Variants in DRC7 observed in about 807,000 individuals in gnomAD.
The protein encoded by DRC7 is coiled-coil domain containing 135.
DRC7 carries 80 observed loss-of-function variants against 104.4 expected under a neutral mutation model. That is an observed-to-expected ratio of 0.77 (90% CI 0.64 to 0.92). The LOEUF (loss-of-function observed/expected upper bound fraction) is 0.92. Among genes scored for constraint, DRC7 ranks in the 40% least tolerant of loss-of-function variants. The pLI is 0.00. For synonymous variants in DRC7, 405 were observed against 447.3 expected (o/e 0.91, Z 1.19); for missense variants, 1,034 against 1,141.1 (o/e 0.91, Z 1.35).
rs1222351168 is a variant in DRC7 at position 57,727,239 on chromosome 16, G to A, written c.2086-60G>A. 5.1e-6 allele frequency: 7 copies of A among 1,377,796 alleles called. No individual in the cohort carries two copies. In the African/African-American group the frequency reaches 7.1e-5, roughly 14 times the overall value. 85.3% of individuals were successfully genotyped at this position (1,377,796 alleles called of 1,614,324 possible). A position where few individuals can be genotyped will look rare whatever the true frequency, so the allele number is the denominator to read the frequency against. Reference sequence around the variant, plus strand: ...GCCCTCCTTGGCTTCCCAAAGTGCTGGGGTTACAGGAGTGGAGGAGGGGTG... The same window carrying A: ...GCCCTCCTTGGCTTCCCAAAGTGCTAGGGTTACAGGAGTGGAGGAGGGGTG... On this transcript the variant is annotated intron_variant, in intron 15 of 18. Transcript: ENST00000360716.
chr16:57,721,120 G>C (rs1191271026), intron 9 of DRC7, among the ~76,000 whole-genome samples: 1 of 152,180 alleles, frequency 6.6e-6, no homozygotes, highest in East Asian at 1.9e-4. Flanking sequence ...GGAGGCTGAG[G>C]CAGGAGAATC....
intron 8 of DRC7, among the ~76,000 whole-genome samples, chr16:57,717,613 C>T (rs1446158003): frequency 8.6e-5 from 13 of 151,622 alleles, no homozygotes; most frequent in Non-Finnish European, 1.3e-4. Context: ...GCAGGAAAAT[C>T]GCTTGAACCT....
At chr16:57,705,198 C>T (rs1254965081) in intron 7 of DRC7, among the ~76,000 whole-genome samples, 164 bp downstream of exon 7, 6 of 152,108 alleles carry the variant, frequency 3.9e-5, no homozygotes, top group African/African-American at 1.4e-4. Flanking sequence ...GAATCTCCCA[C>T]TGGTGGTCAG....
At position 57,724,541 on chromosome 16, in the gene DRC7, G is replaced by A. The variant is rs184778355; in HGVS notation, c.1538-74G>A. 268 of 1,078,364 alleles carry A rather than the reference G, an allele frequency of 2.5e-4. 3 individuals carry two copies. The African/African-American group carries it at 3.5e-3, about 14-fold the overall frequency. 66.8% of individuals were successfully genotyped at this position (1,078,364 alleles called of 1,614,324 possible). A position where few individuals can be genotyped will look rare whatever the true frequency, so the allele number is the denominator to read the frequency against. On this transcript the variant is annotated intron_variant, in intron 12 of 18. Coordinates refer to ENST00000360716, the MANE Select transcript of DRC7 (RefSeq NM_001289162.2). ...CTGTCTTCTCCCTGGGCCTGGGGTTGGGCGACCAAGCCAGCAGCCATACTT... is the reference window on the plus strand; with the variant it reads ...CTGTCTTCTCCCTGGGCCTGGGGTTAGGCGACCAAGCCAGCAGCCATACTT...
chr16:57,726,469 A>G, intron 14 of DRC7, 186 bp downstream of exon 14: 1 of 613,610 alleles, frequency 1.6e-6, no homozygotes, highest in Non-Finnish European at 2.9e-6. Flanking sequence ...TCCTCTGAAA[A>G]TCTTCCTTTT....
intron 5 of DRC7, among the ~76,000 whole-genome samples, chr16:57,701,099 G>A (rs2048653407): frequency 6.6e-6 from 1 of 152,126 alleles, no homozygotes; most frequent in Non-Finnish European, 1.5e-5. Context: ...CAACTAAGGC[G>A]GTAGGTAAGG....
chr16:57,714,561 G>T, intron 8 of DRC7: 1 of 163,440 alleles, frequency 6.1e-6, no homozygotes, highest in South Asian at 1.5e-4. Context: ...GGGAGGTCAA[G>T]GGTGCAGTAA....
At chr16:57,721,845 C>T (rs1321807382) in intron 10 of DRC7, 106 bp downstream of exon 10, 4 of 767,618 alleles carry the variant, frequency 5.2e-6, no homozygotes, top group Non-Finnish European at 8.7e-6. Context: ...AATGCCATGC[C>T]CCACATTTCC....
chr16:57,724,224 C>T (rs2048937564), intron 12 of DRC7, among the ~76,000 whole-genome samples: 1 of 149,576 alleles, frequency 6.7e-6, no homozygotes, highest in African/African-American at 2.5e-5. Flanking sequence ...ACAGGAGAGT[C>T]ACTTGAACCC....
rs368904680 is a variant in DRC7 at position 57,717,825 on chromosome 16, G to A, written c.1078-522G>A. On this transcript the variant is annotated intron_variant, in intron 8 of 18. Transcript: ENST00000360716. ...CAAAGTGCTGGAACTACAGGCATGA[G>A]CCACCATGCCCGGCTCTCCACCTGC... Among the ~76,000 whole-genome samples, 225 of 152,280 alleles carry A rather than the reference G, an allele frequency of 1.5e-3. 3 individuals are homozygous for A. Among genetic ancestry groups the A allele is most frequent in the South Asian group, 9.5e-3 (46 of 4,822 alleles).
chr16:57,718,534 C>A lies in DRC7; in HGVS notation c.1206+59C>A. On this transcript the variant is annotated intron_variant, in intron 9 of 18. Coordinates refer to ENST00000360716, the MANE Select transcript of DRC7 (RefSeq NM_001289162.2). ...TGTGTGAAGGCTTCAGGGAGCCTGA[C>A]AAGTGTCCCCAGCAGCATATGTGTG... 3 of 1,591,346 alleles carry A rather than the reference C, an allele frequency of 1.9e-6. No individual in the cohort carries two copies. The South Asian group carries it at 3.4e-5, about 18-fold the overall frequency.
intron 11 of DRC7, 51 bp from the exon 12 acceptor site, chr16:57,722,951 G>A: frequency 6.2e-7 from 1 of 1,613,216 alleles, no homozygotes; most frequent in South Asian, 1.1e-5. Flanking sequence ...AAGGGGGGTT[G>A]AAGGCTAGGG....
chr16:57,710,331 G>T (rs1204814960), intron 8 of DRC7, among the ~76,000 whole-genome samples: 1 of 152,136 alleles, frequency 6.6e-6, no homozygotes. Context: ...TTAGTGAATA[G>T]AAATGCAGTT....
intron 3 of DRC7, 67 bp downstream of exon 3, chr16:57,698,219 G>T: frequency 1.9e-5 from 30 of 1,604,550 alleles, no homozygotes; most frequent in Non-Finnish European, 2.5e-5. Context: ...GACCCAGGCA[G>T]AGTGCTGGTG....
At chr16:57,722,627 G>T in intron 10 of DRC7, 86 bp from the exon 11 acceptor site, 1 of 1,558,038 alleles carries the variant, frequency 6.4e-7, no homozygotes, top group Non-Finnish European at 8.7e-7. Flanking sequence ...CAGAGAACGG[G>T]CAGTGGATGG....
intron 2 of DRC7, among the ~76,000 whole-genome samples, chr16:57,696,840 C>T (rs749963769): frequency 6.6e-6 from 1 of 152,236 alleles, no homozygotes; most frequent in Non-Finnish European, 1.5e-5. Flanking sequence ...ATATCATTCA[C>T]CTGCCATCCT....
chr16:57,700,990 C>CT (rs1364118233), intron 5 of DRC7, among the ~76,000 whole-genome samples: 1 of 152,126 alleles, frequency 6.6e-6, no homozygotes, highest in African/African-American at 2.4e-5. Flanking sequence ...GACTTATGAC[C>CT]TGAGTAGCTG....
chr16:57,728,331 C>G, intron 16 of DRC7, 59 bp from the exon 17 acceptor site: 1 of 1,456,772 alleles, frequency 6.9e-7, no homozygotes, highest in Admixed American at 2.2e-5. Context: ...TGATGCAGAG[C>G]TGGTGGAGAG....
At chr16:57,723,292 T>C (rs1245128608) in intron 12 of DRC7, among the ~76,000 whole-genome samples, 162 bp downstream of exon 12, 2 of 152,146 alleles carry the variant, frequency 1.3e-5, no homozygotes, top group Non-Finnish European at 2.9e-5. Flanking sequence ...GCAAACCCGA[T>C]GTGTGGGAGG....
Sources: gnomAD v4.1 joint callset for allele counts (sites outside exome capture counted in the v4.1 genomes callset) on GRCh38, gnomAD v4.1.1 for gene constraint, MANE v1.5 for transcripts, NCBI Gene and HGNC (gene_info 2026-07-23, HGNC 2026-07-21) for gene names.